The following FAM168A variants were observed in gnomAD, a reference collection of about 807,000 sequenced individuals.
FAM168A encodes the protein family with sequence similarity 168 member A.
A neutral mutation model predicts 28.5 loss-of-function variants in FAM168A; 3 were observed. The ratio of observed to expected loss-of-function variants is 0.11; its 90% CI spans 0.05 to 0.27. The LOEUF (loss-of-function observed/expected upper bound fraction) is 0.27, where lower values mean the gene tolerates loss of function less well. FAM168A is among the 10% of genes least tolerant of loss of function. FAM168A has a pLI of 1.00. For missense variants in FAM168A, 222 were observed against 311.5 expected (o/e 0.71, Z 2.16); for synonymous variants, 122 against 124.2 (o/e 0.98, Z 0.12).
intron 2 of FAM168A, among the ~76,000 whole-genome samples, chr11:73,466,806 G>A (rs1867742637): frequency 6.6e-6 from 1 of 152,118 alleles, no homozygotes; most frequent in Non-Finnish European, 1.5e-5. Flanking sequence ...AGTCTATGTA[G>A]TAAGCTGATA....
intron 1 of FAM168A, among the ~76,000 whole-genome samples, chr11:73,514,127 T>C (rs1346573559): frequency 6.6e-6 from 1 of 152,058 alleles, no homozygotes; most frequent in South Asian, 2.1e-4. Flanking sequence ...TACTCCAGCC[T>C]GAGCAACAGA....
intron 2 of FAM168A, among the ~76,000 whole-genome samples, chr11:73,438,708 G>A (rs1867138268): frequency 6.6e-6 from 1 of 152,156 alleles, no homozygotes; most frequent in South Asian, 2.1e-4. Context: ...ATGAAAAGGA[G>A]TTCAGAGTGG....
At chr11:73,574,497 G>A (rs1359425922) in intron 1 of FAM168A, among the ~76,000 whole-genome samples, 1 of 152,102 alleles carries the variant, frequency 6.6e-6, no homozygotes, top group African/African-American at 2.4e-5. Flanking sequence ...GCAAGTTCCT[G>A]GAGAAAAATC....
chr11:73,436,721 TAG>T (rs1324874227), intron 2 of FAM168A, among the ~76,000 whole-genome samples: 1 of 152,168 alleles, frequency 6.6e-6, no homozygotes, highest in African/African-American at 2.4e-5. Context: ...AGCTAATAAG[TAG>T]AGAGTGGAGA....
chr11:73,581,884 A>C (rs983774892), intron 1 of FAM168A, among the ~76,000 whole-genome samples: 1 of 151,962 alleles, frequency 6.6e-6, no homozygotes, highest in Non-Finnish European at 1.5e-5. Context: ...ATGCCCAGCT[A>C]ATTTTTGTAT....
chr11:73,597,750 A>C (rs1000506758), intron 1 of FAM168A, among the ~76,000 whole-genome samples, 173 bp downstream of exon 1: 350 of 18,216 alleles, frequency 0.019, no homozygotes, highest in African/African-American at 0.022. Context: ...CCCTCACCCC[A>C]CCCCCGGCCA....
chr11:73,574,633 G>C (rs1795892787), intron 1 of FAM168A, among the ~76,000 whole-genome samples: 1 of 151,742 alleles, frequency 6.6e-6, no homozygotes, highest in South Asian at 2.1e-4. Context: ...CATGATCTTG[G>C]CTCACTGCAA....
In FAM168A at chr11:73,474,888, C is replaced by T. The variant is rs777024430; in HGVS notation, c.-18-6396G>A. Among the ~76,000 whole-genome samples the T allele has an allele frequency of 1.4e-4, 21 of 152,184 alleles. No individual in the cohort carries two copies. In the South Asian group the frequency reaches 1.4e-3, roughly 10 times the overall value. On this transcript the variant is annotated intron_variant, in intron 1 of 7. Coordinates refer to ENST00000356467, the MANE Select transcript of FAM168A (RefSeq NM_015159.3). ...GCATATCCCAGTCAACTTCTTGGCT[C>T]CCTATCTCTCCAGCAGCTACTTCCA...
intron 1 of FAM168A, among the ~76,000 whole-genome samples, chr11:73,591,995 T>C (rs1462882699): frequency 6.6e-6 from 1 of 152,118 alleles, no homozygotes; most frequent in East Asian, 1.9e-4. Flanking sequence ...ATTAGAAAAC[T>C]AAAATACTTA....
chr11:73,421,369 G>C (rs1866790352), intron 3 of FAM168A, among the ~76,000 whole-genome samples: 1 of 152,194 alleles, frequency 6.6e-6, no homozygotes, highest in South Asian at 2.1e-4. Flanking sequence ...CTAGAATTAT[G>C]GCTATTGTAG....
At chr11:73,526,650 G>GA (rs1054236168) in intron 1 of FAM168A, among the ~76,000 whole-genome samples, 30 of 152,084 alleles carry the variant, frequency 2.0e-4, no homozygotes, top group African/African-American at 7.0e-4. Flanking sequence ...TTATGAGAAG[G>GA]AAAACCGGTG....
intron 2 of FAM168A, among the ~76,000 whole-genome samples, chr11:73,465,895 G>T (rs750345277): frequency 2.0e-5 from 3 of 151,966 alleles, no homozygotes; most frequent in African/African-American, 7.3e-5. Flanking sequence ...GTAAAAATAG[G>T]TATTTTCTGT....
intron 1 of FAM168A, among the ~76,000 whole-genome samples, chr11:73,587,152 TAAAAA>T (rs1158411875): frequency 4.9e-5 from 4 of 81,372 alleles, no homozygotes; most frequent in African/African-American, 1.0e-4. Flanking sequence ...ATGGACATGT[TAAAAA>T]AAAAAAAAAA....
chr11:73,580,569 T>C, intron 1 of FAM168A: 2 of 531,450 alleles, frequency 3.8e-6, no homozygotes, highest in Admixed American at 4.9e-5. Flanking sequence ...ACTGTACAGT[T>C]TGAAATACTA....
At chr11:73,435,902 A>T (rs1432371301) in intron 2 of FAM168A, among the ~76,000 whole-genome samples, 1 of 152,216 alleles carries the variant, frequency 6.6e-6, no homozygotes, top group Admixed American at 6.5e-5. Flanking sequence ...AGCTAATCAA[A>T]TAGAGGTTGA....
At chr11:73,572,013 T>C (rs1475929107) in intron 1 of FAM168A, among the ~76,000 whole-genome samples, 4 of 140,192 alleles carry the variant, frequency 2.9e-5, no homozygotes, top group South Asian at 2.5e-4. Flanking sequence ...ACCCTCCGCC[T>C]GGCAGCCGCC....
At chr11:73,416,549 G>C (rs1478194815) in intron 4 of FAM168A, among the ~76,000 whole-genome samples, 2 of 152,178 alleles carry the variant, frequency 1.3e-5, no homozygotes, top group Non-Finnish European at 2.9e-5. Flanking sequence ...AACTGAATTT[G>C]TCAAAGTGCC....
chr11:73,509,398 G>C (rs980446722), intron 1 of FAM168A, among the ~76,000 whole-genome samples: 2 of 152,176 alleles, frequency 1.3e-5, no homozygotes, highest in Non-Finnish European at 2.9e-5. Context: ...AGTAAATCCT[G>C]CTAAGTAAAT....
chr11:73,506,069 A>G (rs1855110077), intron 1 of FAM168A, among the ~76,000 whole-genome samples: 1 of 152,064 alleles, frequency 6.6e-6, no homozygotes, highest in Admixed American at 6.6e-5. Flanking sequence ...CTCACCCACC[A>G]CTTCCTAAGA....
Sources: allele counts gnomAD v4.1 joint callset (sites outside exome capture counted in the v4.1 genomes callset), GRCh38; gene constraint gnomAD v4.1.1; transcripts MANE v1.5; gene names NCBI Gene and HGNC (gene_info 2026-07-23, HGNC 2026-07-21).